Variants in PKP4 observed in about 807,000 individuals in gnomAD.
PKP4 encodes the protein plakophilin-4.
PKP4 carries 90 observed loss-of-function variants against 145.1 expected under a neutral mutation model. The observed-to-expected ratio is 0.62, with a 90% CI of 0.52 to 0.74. The LOEUF is 0.74. Ranked by LOEUF, PKP4 falls within the 30% of genes least tolerant of loss-of-function variation. The pLI, the probability that PKP4 is intolerant of heterozygous loss-of-function variation, is 0.00. For missense variants in PKP4, 1,340 were observed against 1,482.7 expected (o/e 0.90, Z 1.58); for synonymous variants, 563 against 577.2 (o/e 0.98, Z 0.35).
chr2:158,668,232 G>A (rs1297940969), intron 16 of PKP4, among the ~76,000 whole-genome samples: 2 of 126,592 alleles, frequency 1.6e-5, no homozygotes, highest in African/African-American at 3.1e-5. Context: ...CTGTTTTTTT[G>A]TTTCCCTATT....
intron 2 of PKP4, among the ~76,000 whole-genome samples, chr2:158,561,667 G>A (rs1363827103): frequency 6.6e-6 from 1 of 152,204 alleles, no homozygotes; most frequent in African/African-American, 2.4e-5. Context: ...GACTTCCCAG[G>A]TTACATGAGT....
intron 1 of PKP4, among the ~76,000 whole-genome samples, chr2:158,468,548 C>T (rs999547758): frequency 6.6e-6 from 1 of 151,890 alleles, no homozygotes; most frequent in African/African-American, 2.4e-5. Context: ...TTCAGAATTT[C>T]ACTTATATAT....
chr2:158,629,203 C>A (rs931259641), intron 7 of PKP4, among the ~76,000 whole-genome samples: 1 of 152,142 alleles, frequency 6.6e-6, no homozygotes, highest in African/African-American at 2.4e-5. Flanking sequence ...TCCATGGCCC[C>A]CTCCTTGGTG....
rs7591033 is a variant in PKP4, at chr2:158,503,333, C to G, written c.-5-29847C>G. ...CTTCAGTGCAGAGTCCCTTGACTCT[C>G]CTTTTGCCTCTAATTTCCTCCCTCA... On this transcript the variant is annotated intron_variant, in intron 1 of 21. Coordinates refer to ENST00000389759, the MANE Select transcript of PKP4 (RefSeq NM_003628.6). Among the ~76,000 whole-genome samples the G allele has an allele frequency of 5.5e-3, 835 of 152,306 alleles. 11 individuals are homozygous for G. The highest frequency in any genetic ancestry group is 0.019 in the African/African-American group (800 of 41,564).
At chr2:158,608,743 T>C (rs1252508454) in intron 4 of PKP4, among the ~76,000 whole-genome samples, 3 of 151,916 alleles carry the variant, frequency 2.0e-5, no homozygotes, top group Admixed American at 6.6e-5. Flanking sequence ...CAATAAGCTA[T>C]AGTTAGAAGA....
chr2:158,481,143 C>T (rs946391305), intron 1 of PKP4, among the ~76,000 whole-genome samples: 7 of 152,092 alleles, frequency 4.6e-5, no homozygotes, highest in Admixed American at 6.5e-5. Context: ...AGTCTGGTCT[C>T]GAACTCCTGA....
intron 2 of PKP4, among the ~76,000 whole-genome samples, chr2:158,563,897 A>G (rs565712051): frequency 6.6e-6 from 1 of 152,266 alleles, no homozygotes; most frequent in South Asian, 2.1e-4. Context: ...GCATACTTTA[A>G]TGGCTTCAGA....
At chr2:158,620,919 A>C in intron 4 of PKP4, 71 bp from the exon 5 acceptor site, 1 of 1,369,238 alleles carries the variant, frequency 7.3e-7, no homozygotes, top group Non-Finnish European at 1.0e-6. Flanking sequence ...GTTGACAAAC[A>C]TCTGAACCTT....
chr2:158,533,607 C>T (rs766193506), intron 2 of PKP4: 45 of 461,154 alleles, frequency 9.8e-5, no homozygotes, highest in Non-Finnish European at 1.5e-4. Flanking sequence ...GCACGCAAAG[C>T]TGTGTAAAGC....
chr2:158,502,841 G>A (rs577326339), intron 1 of PKP4, among the ~76,000 whole-genome samples: 2 of 152,182 alleles, frequency 1.3e-5, no homozygotes, highest in Non-Finnish European at 2.9e-5. Flanking sequence ...TGTAAGAATA[G>A]AAGTATACAT....
chr2:158,583,433 CT>C (rs2048508223), intron 3 of PKP4, among the ~76,000 whole-genome samples: 4 of 152,122 alleles, frequency 2.6e-5, no homozygotes, highest in Admixed American at 2.6e-4. Flanking sequence ...AATGGCATTC[CT>C]TTTAGACAAG....
intron 6 of PKP4, among the ~76,000 whole-genome samples, chr2:158,624,444 T>G (rs369933137): frequency 1.3e-4 from 20 of 152,310 alleles, no homozygotes; most frequent in African/African-American, 4.3e-4. Context: ...AAATTTTTGT[T>G]TTACATAAAT....
At chr2:158,493,099 G>A (rs534638099) in intron 1 of PKP4, among the ~76,000 whole-genome samples, 1 of 151,768 alleles carries the variant, frequency 6.6e-6, no homozygotes, top group African/African-American at 2.4e-5. Flanking sequence ...CAGTTACTTT[G>A]TCTATTTCTT....
chr2:158,514,638 A>G (rs1398284061), intron 1 of PKP4, among the ~76,000 whole-genome samples: 3 of 152,168 alleles, frequency 2.0e-5, no homozygotes, highest in African/African-American at 7.2e-5. Context: ...CTAAAGAGCT[A>G]CTTTAAAAAA....
chr2:158,540,065 T>C (rs2044381128), intron 2 of PKP4, among the ~76,000 whole-genome samples: 1 of 152,202 alleles, frequency 6.6e-6, no homozygotes. Context: ...AAGAGGTAGC[T>C]AACAACAAGC....
At chr2:158,645,700 C>T (rs1454425888) in intron 11 of PKP4, among the ~76,000 whole-genome samples, 1 of 152,198 alleles carries the variant, frequency 6.6e-6, no homozygotes, top group Non-Finnish European at 1.5e-5. Flanking sequence ...AAGCTTTTTC[C>T]TGCTCTTCTG....
At chr2:158,492,521 C>T (rs758157809) in intron 1 of PKP4, among the ~76,000 whole-genome samples, 1 of 152,146 alleles carries the variant, frequency 6.6e-6, no homozygotes, top group African/African-American at 2.4e-5. Context: ...ACCCCAACCC[C>T]GTTTCCCTTT....
intron 2 of PKP4, among the ~76,000 whole-genome samples, chr2:158,563,239 TTACTC>T (rs1243183750): frequency 2.6e-5 from 4 of 152,154 alleles, no homozygotes; most frequent in Admixed American, 1.3e-4. Context: ...CAAACAACTC[TTACTC>T]TATTTTATTT....
At chr2:158,476,731 G>A (rs188281462) in intron 1 of PKP4, among the ~76,000 whole-genome samples, 13 of 150,198 alleles carry the variant, frequency 8.7e-5, no homozygotes, top group Admixed American at 7.3e-4. Flanking sequence ...TTTTCTGATT[G>A]TAAATGAAAT....
Sources: allele counts gnomAD v4.1 joint callset (sites outside exome capture counted in the v4.1 genomes callset), GRCh38; gene constraint gnomAD v4.1.1; transcripts MANE v1.5; gene names NCBI Gene and HGNC (gene_info 2026-07-23, HGNC 2026-07-21).